The following LARGE1 variants were observed in gnomAD, a reference collection of about 807,000 sequenced individuals.
LARGE1 encodes LARGE xylosyl- and glucuronyltransferase 1, also known as xylosyl- and glucuronyltransferase LARGE1.
LARGE1 carries 43 observed loss-of-function variants against 87.6 expected under a neutral mutation model. The observed-to-expected ratio is 0.49, with a 90% CI of 0.38 to 0.63. LARGE1 has a LOEUF of 0.63. LARGE1 is among the 30% of genes least tolerant of loss of function. The pLI is 0.00. For synonymous variants in LARGE1, 434 were observed against 394.6 expected, an observed-to-expected ratio of 1.10 and a Z score of -1.18; for missense variants, 802 against 1,000.2, an observed-to-expected ratio of 0.80 and a Z score of 2.67.
At chr22:33,224,715 T>A (rs1443265551) in intron 11 of LARGE1, among the ~76,000 whole-genome samples, 1 of 152,022 alleles carries the variant, frequency 6.6e-6, no homozygotes, top group African/African-American at 2.4e-5. Context: ...CCAACCTGCA[T>A]GCCTTGTCAA....
At chr22:33,384,056 T>C (rs1332784379) in intron 8 of LARGE1, 136 bp downstream of exon 8, 1 of 761,290 alleles carries the variant, frequency 1.3e-6, no homozygotes, top group Non-Finnish European at 2.4e-6. Context: ...CTGGCAAGAA[T>C]AAGGCAGCTG....
At chr22:33,892,163 G>A (rs1243463313) in intron 1 of LARGE1, among the ~76,000 whole-genome samples, 1 of 152,136 alleles carries the variant, frequency 6.6e-6, no homozygotes, top group Non-Finnish European at 1.5e-5. Context: ...GCATAATAAT[G>A]CTACCTAATG....
At chr22:33,364,875 T>C (rs1413202313) in intron 9 of LARGE1, among the ~76,000 whole-genome samples, 1 of 152,050 alleles carries the variant, frequency 6.6e-6, no homozygotes, top group Non-Finnish European at 1.5e-5. Context: ...TTTTATTTTT[T>C]GTAGAGACGG....
chr22:33,593,249 C>T (rs919759783), intron 5 of LARGE1, among the ~76,000 whole-genome samples: 16 of 150,928 alleles, frequency 1.1e-4, no homozygotes, highest in African/African-American at 3.9e-4. Context: ...CGCCATGTTG[C>T]CCAGGTGGGT....
rs56262703 is a variant in LARGE1, at chr22:33,183,620, G to GCACACACACACACA, written c.1731-16802_1731-16789dup. On this transcript the variant is annotated intron_variant, in intron 11 of 11. Coordinates refer to the LARGE1 transcript ENST00000608642. ...GGATAAAACACACACACACACACACGCACACACACACACACACACACACAC... is the reference window on the plus strand; with the variant it reads ...GGATAAAACACACACACACACACACGCACACACACACACACACACACACACACACACACACACAC... Among the ~76,000 whole-genome samples the GCACACACACACACA allele has an allele frequency of 6.3e-3, 874 of 137,876 alleles. 15 individuals carry two copies. The highest frequency in any genetic ancestry group is 0.023 in the African/African-American group (798 of 34,092). 90.5% of individuals were successfully genotyped at this position (137,876 alleles called of 152,430 possible).
chr22:33,380,709 C>A (rs971558323), intron 9 of LARGE1, among the ~76,000 whole-genome samples: 1 of 152,162 alleles, frequency 6.6e-6, no homozygotes, highest in Admixed American at 6.5e-5. Flanking sequence ...AAGCCAAGTA[C>A]AAAAGACTAA....
intron 3 of LARGE1, among the ~76,000 whole-genome samples, chr22:33,646,975 C>T (rs570186399): frequency 2.4e-4 from 37 of 152,292 alleles, no homozygotes; most frequent in African/African-American, 7.5e-4. Context: ...GTGATCCACC[C>T]GCCTTGGCCT....
At chr22:33,717,406 C>G (rs747041605) in intron 2 of LARGE1, among the ~76,000 whole-genome samples, 25 of 152,206 alleles carry the variant, frequency 1.6e-4, no homozygotes, top group Non-Finnish European at 2.8e-4. Context: ...CAGCTGCTAC[C>G]ACAGAATGAG....
intron 4 of LARGE1, among the ~76,000 whole-genome samples, chr22:33,623,819 TC>T (rs1270804968): frequency 4.0e-5 from 6 of 150,860 alleles, no homozygotes; most frequent in Non-Finnish European, 8.8e-5. Flanking sequence ...TCACCTGAGG[TC>T]AGGAGTTTGG....
chr22:33,516,935 G>A (rs562393786), intron 6 of LARGE1, among the ~76,000 whole-genome samples: 12 of 152,264 alleles, frequency 7.9e-5, no homozygotes, highest in South Asian at 2.1e-4. Context: ...ACAGTAGTAA[G>A]TACTCAAGGG....
chr22:33,898,779 A>G (rs1387568071), intron 1 of LARGE1, among the ~76,000 whole-genome samples: 1 of 152,180 alleles, frequency 6.6e-6, no homozygotes, highest in East Asian at 1.9e-4. Context: ...AAACAAAAAG[A>G]TTCTTCTTAA....
chr22:33,438,764 A>G (rs1030994663), intron 6 of LARGE1, among the ~76,000 whole-genome samples: 1 of 152,220 alleles, frequency 6.6e-6, no homozygotes, highest in Non-Finnish European at 1.5e-5. Flanking sequence ...CAGGAAGACA[A>G]AGGATTTTAA....
At chr22:33,867,096 G>A (rs2064128121) in intron 1 of LARGE1, among the ~76,000 whole-genome samples, 1 of 152,172 alleles carries the variant, frequency 6.6e-6, no homozygotes, top group Admixed American at 6.5e-5. Flanking sequence ...ATGAATGAGG[G>A]TGTGGGGAGG....
intron 7 of LARGE1, among the ~76,000 whole-genome samples, chr22:33,405,699 C>T (rs922430134): frequency 3.3e-5 from 5 of 152,108 alleles, no homozygotes; most frequent in Non-Finnish European, 7.3e-5. Context: ...AATGGTGTAA[C>T]GATCCTTACA....
chr22:33,306,000 G>A (rs754877648), intron 11 of LARGE1, among the ~76,000 whole-genome samples: 12 of 151,898 alleles, frequency 7.9e-5, no homozygotes, highest in Admixed American at 2.0e-4. Context: ...TACCACGCCC[G>A]GCTAATTTTC....
rs140684623 is a variant in LARGE1, at chr22:33,226,490, T to C, written c.1731-59658A>G. 7.5e-3 allele frequency among the ~76,000 whole-genome samples: 1,147 copies of C among 152,124 alleles called. 21 individuals carry two copies. Among genetic ancestry groups the C allele is most frequent in the African/African-American group, 0.025 (1,055 of 41,506 alleles). On this transcript the variant is annotated intron_variant, in intron 11 of 11. Coordinates refer to the LARGE1 transcript ENST00000608642. ...ATCCACCCTGTCCCTTCCCAGGAGGTCACTCCTGTCACCAGGACCTAAAGC... is the reference window on the plus strand; with the variant it reads ...ATCCACCCTGTCCCTTCCCAGGAGGCCACTCCTGTCACCAGGACCTAAAGC...
chr22:33,147,745 T>C, the LARGE1 span, among the ~76,000 whole-genome samples: 1 of 152,168 alleles, frequency 6.6e-6, no homozygotes, highest in African/African-American at 2.4e-5. Flanking sequence ...TTTTTTTGGG[T>C]AAATAGTTCT....
intron 6 of LARGE1, among the ~76,000 whole-genome samples, chr22:33,440,600 T>C (rs1431962271): frequency 6.6e-6 from 1 of 152,234 alleles, no homozygotes; most frequent in East Asian, 1.9e-4. Context: ...CACCATTCAA[T>C]GTGTGTCTGA....
intron 1 of LARGE1, among the ~76,000 whole-genome samples, chr22:33,785,314 C>A (rs1200129111): frequency 4.0e-5 from 6 of 151,786 alleles, no homozygotes; most frequent in African/African-American, 1.5e-4. Context: ...TACACACACA[C>A]CCCACTTAAA....
Sources: allele counts gnomAD v4.1 joint callset (sites outside exome capture counted in the v4.1 genomes callset), GRCh38; gene constraint gnomAD v4.1.1; transcripts MANE v1.5; gene names NCBI Gene and HGNC (gene_info 2026-07-23, HGNC 2026-07-21).